TTLL11: variants seen among roughly 807,000 people sequenced by gnomAD.
TTLL11 encodes tubulin polyglutamylase TTLL11.
In TTLL11, 42 loss-of-function variants were observed where a neutral mutation model predicts 51.7. The observed-to-expected ratio is 0.81, with a 90% confidence interval of 0.64 to 1.05. The LOEUF (loss-of-function observed/expected upper bound fraction) is 1.05, where lower values mean the gene tolerates loss of function less well. TTLL11 is among the 50% of genes least tolerant of loss of function. The pLI is 0.00. For missense variants in TTLL11, 799 were observed against 940.4 expected (o/e 0.85, Z 1.97); for synonymous variants, 381 against 383.5 (o/e 0.99, Z 0.08).
intron 4 of TTLL11, among the ~76,000 whole-genome samples, chr9:121,976,631 C>A (rs568039096): frequency 6.6e-6 from 1 of 152,236 alleles, no homozygotes; most frequent in South Asian, 2.1e-4. Flanking sequence ...ATAGAATATG[C>A]ATTAGTTAAA....
intron 4 of TTLL11, among the ~76,000 whole-genome samples, chr9:121,988,187 C>A (rs1157374817): frequency 2.0e-5 from 3 of 152,132 alleles, no homozygotes; most frequent in Non-Finnish European, 2.9e-5. Flanking sequence ...TTCACCACAA[C>A]CTTCCCAGTC....
intron 1 of TTLL11, among the ~76,000 whole-genome samples, chr9:122,091,051 C>T (rs1466225189): frequency 6.6e-6 from 1 of 152,184 alleles, no homozygotes; most frequent in Non-Finnish European, 1.5e-5. Context: ...CAGCAAAGAA[C>T]TTGGCACCTC....
chr9:122,076,200 A>C (rs1845853392), intron 1 of TTLL11, among the ~76,000 whole-genome samples: 1 of 152,138 alleles, frequency 6.6e-6, no homozygotes, highest in Non-Finnish European at 1.5e-5. Flanking sequence ...TAGCATCCTA[A>C]CTTGCCTCTC....
chr9:122,007,613 G>A (rs1180229810), intron 3 of TTLL11, among the ~76,000 whole-genome samples: 2 of 151,908 alleles, frequency 1.3e-5, no homozygotes, highest in Non-Finnish European at 2.9e-5. Flanking sequence ...AAGAATCCAT[G>A]AGTGCACACT....
At chr9:122,026,578 G>A (rs996455784) in intron 3 of TTLL11, among the ~76,000 whole-genome samples, 2 of 152,026 alleles carry the variant, frequency 1.3e-5, no homozygotes, top group Non-Finnish European at 1.5e-5. Context: ...GTATAAAACT[G>A]TACATTCTAA....
chr9:121,822,065 C>T lies in TTLL11; in HGVS notation c.*522G>A, dbSNP rs1836592673. The T allele has an allele frequency of 6.6e-6, 1 of 152,260 alleles. No homozygotes were observed. The highest frequency in any genetic ancestry group is 1.5e-5 in the Non-Finnish European group (1 of 68,096). The allele number at this position is 152,260 out of a possible 1,614,324, so 9.4% of individuals were successfully genotyped here. ...ATGAGGTTAATCTGTTCACTACACCCATGTAGCACATGACTGGGATGGGAG... is the reference window on the plus strand; with the variant it reads ...ATGAGGTTAATCTGTTCACTACACCTATGTAGCACATGACTGGGATGGGAG... On this transcript the variant is annotated 3_prime_UTR_variant, in exon 9 of 9. Coordinates refer to ENST00000321582, the MANE Select transcript of TTLL11 (RefSeq NM_001139442.2). This position sits in a 1 kb window ranked among gnomAD's most constrained non-coding sequence, Gnocchi z 5.8.
intron 6 of TTLL11, among the ~76,000 whole-genome samples, chr9:121,896,225 C>A (rs1420219234): frequency 6.6e-6 from 1 of 152,094 alleles, no homozygotes; most frequent in South Asian, 2.1e-4. Context: ...GGGAATGGTT[C>A]CACCTTGGTC....
chr9:121,976,142 G>A (rs1239664296), intron 4 of TTLL11, among the ~76,000 whole-genome samples: 2 of 152,154 alleles, frequency 1.3e-5, no homozygotes, highest in Non-Finnish European at 2.9e-5. Context: ...ACCAAGCTCA[G>A]AGCCCTTCTA....
At chr9:121,825,927 T>G (rs947459657) in intron 8 of TTLL11, among the ~76,000 whole-genome samples, 8 of 151,696 alleles carry the variant, frequency 5.3e-5, no homozygotes, top group East Asian at 3.9e-4. Flanking sequence ...GCCTTGGCTT[T>G]CTTTCTGCTT....
At chr9:122,031,976 T>TA in intron 2 of TTLL11, 120 bp from the exon 3 acceptor site, 1 of 1,383,760 alleles carries the variant, frequency 7.2e-7, no homozygotes, top group Non-Finnish European at 9.7e-7. Context: ...GCAGGATTTT[T>TA]AAAAAAGGTC....
At chr9:121,884,478 G>T (rs534607878) in intron 6 of TTLL11, among the ~76,000 whole-genome samples, 1 of 152,116 alleles carries the variant, frequency 6.6e-6, no homozygotes, top group Admixed American at 6.5e-5. Flanking sequence ...AAACACACAC[G>T]CGGGAGAGGG....
At chr9:122,089,423 T>A (rs1452662436) in intron 1 of TTLL11, among the ~76,000 whole-genome samples, 1 of 152,218 alleles carries the variant, frequency 6.6e-6, no homozygotes, top group Non-Finnish European at 1.5e-5. Context: ...AGAAAGGTCA[T>A]GTGTTTGCAC....
intron 1 of TTLL11, among the ~76,000 whole-genome samples, chr9:122,061,429 A>C (rs1845429776): frequency 1.3e-5 from 2 of 152,224 alleles, no homozygotes; most frequent in Non-Finnish European, 2.9e-5. Context: ...AGAACACTGT[A>C]ATAAGCATCC....
intron 1 of TTLL11, among the ~76,000 whole-genome samples, chr9:122,080,112 T>C (rs925473034): frequency 6.7e-6 from 1 of 150,374 alleles, no homozygotes; most frequent in African/African-American, 2.4e-5. Flanking sequence ...AAAATAGCCA[T>C]ATCAAAATGC....
At chr9:121,902,430 T>G (rs765122363) in intron 6 of TTLL11, among the ~76,000 whole-genome samples, 4 of 152,224 alleles carry the variant, frequency 2.6e-5, no homozygotes, top group Non-Finnish European at 5.9e-5. Flanking sequence ...GGCATTTCCC[T>G]CTAAGCATTA....
At chr9:121,837,545 A>T (rs978354776) in intron 8 of TTLL11, among the ~76,000 whole-genome samples, 2 of 151,862 alleles carry the variant, frequency 1.3e-5, no homozygotes, top group South Asian at 4.2e-4. Flanking sequence ...GAGGAAAGGG[A>T]GTTTGTCTAC....
chr9:121,822,987 C>T lies in TTLL11; in HGVS notation c.1841-108G>A. The T allele has an allele frequency of 1.6e-6, 2 of 1,263,114 alleles. No individual in the cohort carries two copies. Among genetic ancestry groups the T allele is most frequent in the South Asian group, 3.2e-5 (2 of 62,470 alleles). 78.2% of individuals were successfully genotyped at this position (1,263,114 alleles called of 1,614,324 possible). A position where few individuals can be genotyped will look rare whatever the true frequency, so the allele number is the denominator to read the frequency against. On this transcript the variant is annotated intron_variant, in intron 8 of 8. Coordinates refer to ENST00000321582, the MANE Select transcript of TTLL11 (RefSeq NM_001139442.2). This position sits in a 1 kb window ranked among gnomAD's most constrained non-coding sequence, Gnocchi z 5.8. Reference sequence around the variant, plus strand: ...GTCAGCAAGAGCTAGCCCCGCTCCCCACCACCGTCTCCATTCCAGAAACTC... The same window carrying T: ...GTCAGCAAGAGCTAGCCCCGCTCCCTACCACCGTCTCCATTCCAGAAACTC...
intron 8 of TTLL11, among the ~76,000 whole-genome samples, chr9:121,827,441 A>T (rs903488996): frequency 5.9e-5 from 9 of 152,186 alleles, no homozygotes; most frequent in Non-Finnish European, 1.3e-4. Flanking sequence ...AACTGACAGG[A>T]ACAGGGCTCG....
At chr9:121,949,981 AG>A (rs1366838228) in intron 6 of TTLL11, among the ~76,000 whole-genome samples, 5 of 151,952 alleles carry the variant, frequency 3.3e-5, no homozygotes, top group Non-Finnish European at 7.4e-5. Context: ...GCATCCATCC[AG>A]CCTCTACTCA....
Sources: allele counts gnomAD v4.1 joint callset (sites outside exome capture counted in the v4.1 genomes callset), GRCh38; gene constraint gnomAD v4.1.1; non-coding constraint Gnocchi (gnomAD v3.1); transcripts MANE v1.5; gene names NCBI Gene and HGNC (gene_info 2026-07-23, HGNC 2026-07-21).